LCMT1: variants seen among roughly 807,000 people sequenced by gnomAD.
LCMT1 encodes [Phosphatase 2A protein]-leucine-carboxy methyltransferase 1.
A neutral mutation model predicts 47.7 loss-of-function variants in LCMT1; 32 were observed. The ratio of observed to expected loss-of-function variants is 0.67; its 90% CI spans 0.51 to 0.90. LCMT1 has a LOEUF of 0.90. Ranked by LOEUF, LCMT1 falls within the 40% of genes least tolerant of loss-of-function variation. The pLI is 0.00. For missense variants in LCMT1, 375 were observed against 415.2 expected (o/e 0.90, Z 0.84); for synonymous variants, 152 against 149.7 (o/e 1.02, Z -0.11).
intron 1 of LCMT1, among the ~76,000 whole-genome samples, chr16:25,113,534 A>G (rs1026288933): frequency 1.3e-5 from 2 of 152,214 alleles, no homozygotes; most frequent in Admixed American, 1.3e-4. Flanking sequence ...TTAGTAGAGC[A>G]CTTGGAGCAG....
chr16:25,125,490 G>T (rs1228410562), intron 1 of LCMT1, among the ~76,000 whole-genome samples: 1 of 152,176 alleles, frequency 6.6e-6, no homozygotes, highest in Non-Finnish European at 1.5e-5. Flanking sequence ...GGTTCCGGCA[G>T]CTTGAGTGCC....
intron 9 of LCMT1, among the ~76,000 whole-genome samples, chr16:25,172,180 G>A (rs746856963): frequency 6.6e-6 from 1 of 151,862 alleles, no homozygotes; most frequent in Non-Finnish European, 1.5e-5. Flanking sequence ...GGTGGCGGGC[G>A]CCTGTAATCC....
At position 25,176,550 on chromosome 16, in the gene LCMT1, CTTTTTTTTTTTTTTTT is replaced by C. The variant is rs1170373745; in HGVS notation, c.983-1436_983-1421del. Among the ~76,000 whole-genome samples the C allele has an allele frequency of 5.9e-4, 26 of 44,272 alleles. No homozygotes were observed. In the East Asian group the frequency reaches 6.8e-3, roughly 12 times the overall value. The allele number at this position is 44,272 out of a possible 152,430, so 29.0% of individuals were successfully genotyped here. Reference sequence around the variant, plus strand: ...GGTTTTGGTTTTTGTTTTTTTTTGGCTTTTTTTTTTTTTTTTTTTTTTTTTTTTTTGAGATGGAGTC... The same window carrying C: ...GGTTTTGGTTTTTGTTTTTTTTTGGCTTTTTTTTTTTTTTGAGATGGAGTC... On this transcript the variant is annotated intron_variant, in intron 10 of 10. Coordinates refer to ENST00000399069, the MANE Select transcript of LCMT1 (RefSeq NM_016309.3).
intron 3 of LCMT1, 148 bp from the exon 4 acceptor site, chr16:25,140,023 A>T (rs1960632871): frequency 4.8e-6 from 3 of 621,398 alleles, no homozygotes; most frequent in East Asian, 5.5e-5. Flanking sequence ...ATTCTTGAGT[A>T]ATTCGAAAAA....
chr16:25,139,286 G>A (rs1960603089), intron 3 of LCMT1, among the ~76,000 whole-genome samples: 2 of 152,162 alleles, frequency 1.3e-5, no homozygotes, highest in Non-Finnish European at 2.9e-5. Flanking sequence ...CATGTAAGTG[G>A]TGGAGCTGGG....
rs1164831825 is a variant in LCMT1, at chr16:25,151,542, A to G, written c.405-12A>G. On this transcript the variant is annotated splice_polypyrimidine_tract_variant and intron_variant, in intron 4 of 10. Coordinates refer to ENST00000399069, the MANE Select transcript of LCMT1 (RefSeq NM_016309.3). ...TAGACTCATTTTTCTCCTCTTTCCC[A>G]TCTTCCCATAGATGCAAGCCTCCCC... is the stretch of plus-strand genomic sequence containing the variant. 6.8e-6 allele frequency: 11 copies of G among 1,609,940 alleles called. No homozygotes were observed. Among genetic ancestry groups the G allele is most frequent in the South Asian group, 1.1e-5 (1 of 90,600 alleles).
At position 25,178,144 on chromosome 16, in the gene LCMT1, G is replaced by GC; in HGVS notation, c.*123dup. On this transcript the variant is annotated 3_prime_UTR_variant, in exon 11 of 11. Coordinates refer to ENST00000399069, the MANE Select transcript of LCMT1 (RefSeq NM_016309.3). ...AGGTCTCATCCCACACTCTTGAGAAGCCTTGGTCACTACAGTGGTCGCACA... is the reference window on the plus strand; with the variant it reads ...AGGTCTCATCCCACACTCTTGAGAAGCCCTTGGTCACTACAGTGGTCGCACA... 1.2e-6 allele frequency: 1 copy of GC among 847,874 alleles called. No individual in the cohort carries two copies. The highest frequency in any genetic ancestry group is 1.9e-6 in the Non-Finnish European group (1 of 515,788). 52.5% of individuals were successfully genotyped at this position (847,874 alleles called of 1,614,324 possible). A position where few individuals can be genotyped will look rare whatever the true frequency, so the allele number is the denominator to read the frequency against.
chr16:25,132,914 A>G (rs191251711), intron 3 of LCMT1, among the ~76,000 whole-genome samples: 62 of 151,136 alleles, frequency 4.1e-4, no homozygotes, highest in Non-Finnish European at 7.1e-4. Flanking sequence ...CTGGAACGCA[A>G]TGGCACAATC....
intron 7 of LCMT1, among the ~76,000 whole-genome samples, chr16:25,166,008 C>T (rs1961577516): frequency 1.3e-5 from 2 of 152,010 alleles, no homozygotes; most frequent in Non-Finnish European, 2.9e-5. Flanking sequence ...TGGCTCACGC[C>T]TGTGATCCCA....
intron 1 of LCMT1, among the ~76,000 whole-genome samples, chr16:25,127,377 C>T (rs1031872333): frequency 3.3e-5 from 5 of 152,060 alleles, no homozygotes; most frequent in African/African-American, 4.8e-5. Flanking sequence ...TATAACAGAT[C>T]GTGTCCATTA....
At chr16:25,150,485 C>T (rs552855688) in intron 4 of LCMT1, among the ~76,000 whole-genome samples, 44 of 152,010 alleles carry the variant, frequency 2.9e-4, no homozygotes, top group Admixed American at 3.3e-4. Context: ...GCTGGGATTC[C>T]AGACATGTGC....
chr16:25,114,818 CTGTG>C (rs1355109346), intron 1 of LCMT1, among the ~76,000 whole-genome samples: 1 of 152,138 alleles, frequency 6.6e-6, no homozygotes. Context: ...TTGTGTCCTC[CTGTG>C]TGTCTCCCGC....
intron 2 of LCMT1, among the ~76,000 whole-genome samples, chr16:25,131,258 C>G (rs919992240): frequency 6.6e-6 from 1 of 152,232 alleles, no homozygotes; most frequent in Non-Finnish European, 1.5e-5. Flanking sequence ...CATTCCCTCC[C>G]CTGCTTTTGA....
At chr16:25,120,493 C>T (rs1179124389) in intron 1 of LCMT1, among the ~76,000 whole-genome samples, 27 of 149,422 alleles carry the variant, frequency 1.8e-4, no homozygotes, top group African/African-American at 4.9e-4. Context: ...GGTGTGATCT[C>T]GGCTCACTGC....
intron 1 of LCMT1, among the ~76,000 whole-genome samples, chr16:25,114,007 G>A (rs933800753): frequency 4.6e-5 from 7 of 152,182 alleles, no homozygotes; most frequent in Non-Finnish European, 1.0e-4. Flanking sequence ...TGAGATTATC[G>A]ATGCAGAGGA....
rs1202715514 is a variant in LCMT1, at chr16:25,116,526, C to G, written c.113+4530C>G. Among the ~76,000 whole-genome samples, 3 of 151,922 alleles carry G rather than the reference C, an allele frequency of 2.0e-5. No homozygotes were observed. In the East Asian group the frequency reaches 5.8e-4, roughly 29 times the overall value. On this transcript the variant is annotated intron_variant, in intron 1 of 10. Transcript: ENST00000399069. ...CCTTCCTATGGGTGCCAGCCAGCTT[C>G]CAACAACATTAGGGCCTGGCCCACA...
intron 2 of LCMT1, 60 bp from the exon 3 acceptor site, chr16:25,132,342 A>C: frequency 6.3e-7 from 1 of 1,599,756 alleles, no homozygotes. Context: ...TGGGCTTCAC[A>C]GGGATAATTT....
At chr16:25,171,473 T>C (rs1181855469) in intron 9 of LCMT1, among the ~76,000 whole-genome samples, 1 of 152,036 alleles carries the variant, frequency 6.6e-6, no homozygotes, top group Non-Finnish European at 1.5e-5. Flanking sequence ...TAACTAGACC[T>C]ATTTTGAAAC....
intron 6 of LCMT1, among the ~76,000 whole-genome samples, chr16:25,163,152 T>C (rs1961482855): frequency 2.0e-5 from 3 of 152,222 alleles, no homozygotes; most frequent in Admixed American, 6.5e-5. Flanking sequence ...CGTGAGCCAT[T>C]GCACCCAGCC....
Sources: allele counts gnomAD v4.1 joint callset (sites outside exome capture counted in the v4.1 genomes callset), GRCh38; gene constraint gnomAD v4.1.1; transcripts MANE v1.5; gene names NCBI Gene and HGNC (gene_info 2026-07-23, HGNC 2026-07-21).